Variants in GRIK3 observed in about 807,000 individuals in gnomAD.
The protein encoded by GRIK3 is glutamate ionotropic receptor kainate type subunit 3, also known as glutamate receptor ionotropic, kainate 3.
A neutral mutation model predicts 102.5 loss-of-function variants in GRIK3; 29 were observed. The ratio of observed to expected loss-of-function variants is 0.28; its 90% confidence interval spans 0.21 to 0.39. The LOEUF (loss-of-function observed/expected upper bound fraction) is 0.39. GRIK3 is among the 10% of genes least tolerant of loss of function. The pLI, the probability that GRIK3 is intolerant of heterozygous loss-of-function variation, is 1.00. For missense variants in GRIK3, 908 were observed against 1,252.4 expected (o/e 0.73, Z 4.15); for synonymous variants, 511 against 504.9 (o/e 1.01, Z -0.16).
Position 36,853,502 on chromosome 1 carries a change from G to A in GRIK3, c.1212+113C>T, listed in dbSNP as rs1640608341. On this transcript the variant is annotated intron_variant, in intron 8 of 15. Transcript: ENST00000373091. Reference sequence around the variant, plus strand: ...ACTGGACCAAGTCAATCCCTGAGGGGCAGCTGGACTGTGTCTTGCCCCTTG... The same window carrying A: ...ACTGGACCAAGTCAATCCCTGAGGGACAGCTGGACTGTGTCTTGCCCCTTG... 4.4e-6 allele frequency: 3 copies of A among 687,442 alleles called. No individual in the cohort carries two copies. The Admixed American group carries it at 7.0e-5, about 16-fold the overall frequency. 42.6% of individuals were successfully genotyped at this position (687,442 alleles called of 1,614,324 possible). A position where few individuals can be genotyped will look rare whatever the true frequency, so the allele number is the denominator to read the frequency against.
chr1:37,001,051 T>C (rs1642470896), intron 1 of GRIK3, among the ~76,000 whole-genome samples: 3 of 152,218 alleles, frequency 2.0e-5, no homozygotes, highest in Admixed American at 1.3e-4. Flanking sequence ...CTGCTTCAGT[T>C]CCCGTCAATA....
chr1:36,992,296 C>T (rs1364077384), intron 1 of GRIK3, among the ~76,000 whole-genome samples: 2 of 152,100 alleles, frequency 1.3e-5, no homozygotes, highest in South Asian at 4.1e-4. Flanking sequence ...ACCCTGTGGG[C>T]CTGCAGGCAG....
chr1:37,007,165 A>G (rs1442178712), intron 1 of GRIK3, among the ~76,000 whole-genome samples: 2 of 152,240 alleles, frequency 1.3e-5, no homozygotes, highest in Non-Finnish European at 2.9e-5. Context: ...GCACCACTAC[A>G]TGCAGGCACT....
intron 10 of GRIK3, among the ~76,000 whole-genome samples, chr1:36,826,807 C>CTTAATAAAATT (rs1642759798): frequency 6.6e-6 from 1 of 151,940 alleles, no homozygotes; most frequent in African/African-American, 2.4e-5. Context: ...AATTTTAGCC[C>CTTAATAAAATT]ATCACAATTT....
chr1:36,898,658 T>C (rs2124280268), intron 1 of GRIK3, among the ~76,000 whole-genome samples: 1 of 152,274 alleles, frequency 6.6e-6, no homozygotes, highest in Middle Eastern at 3.4e-3. Flanking sequence ...TCAATGTCAA[T>C]GAAAATCCCA....
chr1:36,984,025 G>C (rs1395681601), intron 1 of GRIK3, among the ~76,000 whole-genome samples: 1 of 152,144 alleles, frequency 6.6e-6, no homozygotes, highest in African/African-American at 2.4e-5. Flanking sequence ...ATTAGTGAGG[G>C]CATTCATAAA....
intron 1 of GRIK3, among the ~76,000 whole-genome samples, chr1:36,964,692 A>C (rs1425513760): frequency 1.3e-5 from 2 of 152,180 alleles, no homozygotes; most frequent in East Asian, 3.9e-4. Context: ...ACAGTGCCTG[A>C]TTTCAAGACC....
At chr1:36,998,801 G>A (rs993042532) in intron 1 of GRIK3, among the ~76,000 whole-genome samples, 7 of 152,194 alleles carry the variant, frequency 4.6e-5, no homozygotes, top group Admixed American at 3.9e-4. Flanking sequence ...GAGGCAGTAA[G>A]GAGGAGCATA....
intron 1 of GRIK3, among the ~76,000 whole-genome samples, chr1:36,892,390 C>G (rs555143099): frequency 5.3e-5 from 8 of 152,160 alleles, no homozygotes; most frequent in Non-Finnish European, 1.2e-4. Flanking sequence ...AATCCCAACA[C>G]TTCCAGAGGC....
At chr1:37,004,068 G>A (rs1642506665) in intron 1 of GRIK3, among the ~76,000 whole-genome samples, 1 of 152,018 alleles carries the variant, frequency 6.6e-6, no homozygotes, top group Non-Finnish European at 1.5e-5. Flanking sequence ...TTAGACACAC[G>A]GACCCCAGAA....
At chr1:36,896,067 C>G (rs1216168397) in intron 1 of GRIK3, among the ~76,000 whole-genome samples, 1 of 152,114 alleles carries the variant, frequency 6.6e-6, no homozygotes, top group Non-Finnish European at 1.5e-5. Flanking sequence ...AAGACTTTCT[C>G]TGACAAACAA....
intron 1 of GRIK3, among the ~76,000 whole-genome samples, chr1:37,032,934 G>A (rs926149150): frequency 1.3e-5 from 2 of 152,212 alleles, no homozygotes; most frequent in Non-Finnish European, 2.9e-5. Flanking sequence ...AGCTGTAGAG[G>A]AGGAAGGTGG....
chr1:36,881,812 C>T (rs1017752954), intron 2 of GRIK3, among the ~76,000 whole-genome samples: 5 of 152,324 alleles, frequency 3.3e-5, no homozygotes, highest in Admixed American at 6.5e-5. Context: ...GTTGTAGCTC[C>T]TCCCTTCCCT....
intron 1 of GRIK3, among the ~76,000 whole-genome samples, chr1:36,921,787 G>A (rs942439862): frequency 2.2e-4 from 34 of 152,068 alleles, no homozygotes; most frequent in Admixed American, 2.2e-3. Context: ...AATCAAAGCA[G>A]ACCAAGGCAG....
chr1:37,019,375 C>T (rs1642686087), intron 1 of GRIK3, among the ~76,000 whole-genome samples: 1 of 152,172 alleles, frequency 6.6e-6, no homozygotes, highest in South Asian at 2.1e-4. Context: ...GAGATGCAGC[C>T]TCCCTGCCAA....
At chr1:36,894,891 C>A (rs1468072512) in intron 1 of GRIK3, among the ~76,000 whole-genome samples, 1 of 150,952 alleles carries the variant, frequency 6.6e-6, no homozygotes, top group African/African-American at 2.5e-5. Flanking sequence ...TATGCCAGAG[C>A]ATTCTGTTTT....
rs948747111 is a variant in GRIK3, at chr1:36,872,699, GAT to G, written c.551-332_551-331del. Reference sequence around the variant, plus strand: ...ATATGTAGATTCAAAAGTAGGCACAGATAGCAAATTCCCACTGACCACACCCA... The same window carrying G: ...ATATGTAGATTCAAAAGTAGGCACAGAGCAAATTCCCACTGACCACACCCA... On this transcript the variant is annotated intron_variant, in intron 3 of 15. Transcript: ENST00000373091. This position sits in a 1 kb window ranked among gnomAD's most constrained non-coding sequence, Gnocchi z 5.9. Among the ~76,000 whole-genome samples, 24 of 152,356 alleles carry G rather than the reference GAT, an allele frequency of 1.6e-4. No homozygotes were observed. The highest frequency in any genetic ancestry group is 5.8e-4 in the African/African-American group (24 of 41,582).
At chr1:36,871,599 T>C (rs962501157) in intron 4 of GRIK3, among the ~76,000 whole-genome samples, 1 of 152,186 alleles carries the variant, frequency 6.6e-6, no homozygotes, top group Non-Finnish European at 1.5e-5. Flanking sequence ...TTGGCTCTCG[T>C]CCCCAGCAGG....
chr1:36,941,052 C>A (rs369611606), intron 1 of GRIK3, among the ~76,000 whole-genome samples: 2 of 152,334 alleles, frequency 1.3e-5, no homozygotes, highest in South Asian at 4.1e-4. Flanking sequence ...TTTCTGCCCC[C>A]GTAAGTGGTT....
Sources: allele counts gnomAD v4.1 joint callset (sites outside exome capture counted in the v4.1 genomes callset), GRCh38; gene constraint gnomAD v4.1.1; non-coding constraint Gnocchi (gnomAD v3.1); transcripts MANE v1.5; gene names NCBI Gene and HGNC (gene_info 2026-07-23, HGNC 2026-07-21).